The following KLF12 variants were observed in gnomAD, a reference collection of about 807,000 sequenced individuals.
KLF12 encodes the protein KLF transcription factor 12, also known as Krueppel-like factor 12.
KLF12 carries 9 observed loss-of-function variants against 37.8 expected under a neutral mutation model. The ratio of observed to expected loss-of-function variants is 0.24; its 90% confidence interval spans 0.14 to 0.42. The LOEUF (loss-of-function observed/expected upper bound fraction) is 0.42. KLF12 is among the 10% of genes least tolerant of loss of function. KLF12 has a pLI of 1.00. For missense variants in KLF12, 411 were observed against 516.0 expected, an observed-to-expected ratio of 0.80 and a Z score of 1.97; for synonymous variants, 208 against 202.1, an observed-to-expected ratio of 1.03 and a Z score of -0.25.
intron 2 of KLF12, among the ~76,000 whole-genome samples, chr13:73,981,113 T>C (rs1489453453): frequency 6.6e-6 from 1 of 152,102 alleles, no homozygotes; most frequent in Non-Finnish European, 1.5e-5. Context: ...TGAGCTGTGT[T>C]TGTGTCACTG....
chr13:73,813,120 T>C, intron 5 of KLF12, 32 bp downstream of exon 5: 1 of 1,609,760 alleles, frequency 6.2e-7, no homozygotes, highest in Non-Finnish European at 8.5e-7. Context: ...ACCTTGGCAA[T>C]TCTTAATTCA....
intron 3 of KLF12, among the ~76,000 whole-genome samples, chr13:73,855,528 G>C (rs1885562652): frequency 6.6e-6 from 1 of 152,116 alleles, no homozygotes; most frequent in Non-Finnish European, 1.5e-5. Context: ...CCACGTCTTT[G>C]TTATTGTGAA....
the KLF12 span, among the ~76,000 whole-genome samples, chr13:74,170,797 C>A: frequency 2.0e-5 from 3 of 152,214 alleles, no homozygotes; most frequent in African/African-American, 7.2e-5. Context: ...CGGAGTCTCA[C>A]TCTGTCACTC....
intron 6 of KLF12, among the ~76,000 whole-genome samples, chr13:73,717,616 TCAAA>T (rs1875914349): frequency 6.6e-6 from 1 of 152,126 alleles, no homozygotes; most frequent in African/African-American, 2.4e-5. Context: ...TACCTGTGTC[TCAAA>T]CAGTTTTATG....
intron 5 of KLF12, among the ~76,000 whole-genome samples, chr13:73,789,826 G>A (rs56144411): frequency 0.026 from 3,914 of 152,100 alleles, 161 homozygotes; most frequent in African/African-American, 0.087. Context: ...ACAGGCGTCC[G>A]CCACTACGCC....
At chr13:73,886,667 TG>T (rs796091684) in intron 3 of KLF12, among the ~76,000 whole-genome samples, 2 of 152,202 alleles carry the variant, frequency 1.3e-5, no homozygotes, top group African/African-American at 4.8e-5. Context: ...ACAAATCCAT[TG>T]GATACTTCAA....
At chr13:73,792,773 A>G (rs918633953) in intron 5 of KLF12, among the ~76,000 whole-genome samples, 2 of 152,334 alleles carry the variant, frequency 1.3e-5, no homozygotes, top group Admixed American at 1.3e-4. Context: ...AAAAGTAATA[A>G]AAGTTTTTGC....
intron 1 of KLF12, among the ~76,000 whole-genome samples, chr13:74,118,475 T>C (rs767573227): frequency 2.0e-5 from 3 of 152,216 alleles, no homozygotes; most frequent in Non-Finnish European, 2.9e-5. Flanking sequence ...TTATTAGTTA[T>C]GTTGTAAAGG....
chr13:73,728,453 T>C (rs2325553), intron 6 of KLF12, among the ~76,000 whole-genome samples: 118,251 of 152,124 alleles, frequency 0.78, 46,147 homozygotes, highest in Middle Eastern at 0.9. Flanking sequence ...TTTTTCTTAA[T>C]TGCCTCGGCT....
At chr13:74,091,482 C>T (rs2138820033) in intron 1 of KLF12, among the ~76,000 whole-genome samples, 2 of 152,196 alleles carry the variant, frequency 1.3e-5, no homozygotes, top group East Asian at 3.9e-4. Context: ...ATGTAAGTTT[C>T]CTCTATGTCT....
intron 7 of KLF12, among the ~76,000 whole-genome samples, chr13:73,703,597 A>G (rs920652024): frequency 6.6e-6 from 1 of 152,170 alleles, no homozygotes; most frequent in Non-Finnish European, 1.5e-5. Flanking sequence ...ATATTCTCTA[A>G]TAAGTATTGT....
chr13:73,952,154 T>G (rs1890669761), intron 2 of KLF12, among the ~76,000 whole-genome samples: 1 of 152,198 alleles, frequency 6.6e-6, no homozygotes, highest in Admixed American at 6.5e-5. Context: ...ACCAGAAAAG[T>G]TACTTGGAGT....
At chr13:74,146,201 A>C in the KLF12 span, among the ~76,000 whole-genome samples, 1 of 152,190 alleles carries the variant, frequency 6.6e-6, no homozygotes, top group Non-Finnish European at 1.5e-5. Context: ...ACATTAAGCA[A>C]ACATCTTAGC....
At chr13:73,702,972 C>T (rs981898678) in intron 7 of KLF12, among the ~76,000 whole-genome samples, 1 of 152,148 alleles carries the variant, frequency 6.6e-6, no homozygotes, top group African/African-American at 2.4e-5. Flanking sequence ...GCGGCTATAC[C>T]TCTTCATAGT....
chr13:73,979,354 A>ACACAC (rs1891628422), intron 2 of KLF12, among the ~76,000 whole-genome samples: 6 of 139,620 alleles, frequency 4.3e-5, no homozygotes, highest in Admixed American at 1.4e-4. Flanking sequence ...TCTGCTTTTA[A>ACACAC]ACACACACAC....
chr13:73,994,965 C>T, intron 2 of KLF12, 25 bp downstream of exon 2: 2 of 1,488,894 alleles, frequency 1.3e-6, no homozygotes, highest in South Asian at 2.3e-5. Flanking sequence ...ATTTTCAATG[C>T]AATTTTAACA....
At chr13:74,213,244 A>G in the KLF12 span, among the ~76,000 whole-genome samples, 42 of 152,048 alleles carry the variant, frequency 2.8e-4, no homozygotes, top group Non-Finnish European at 2.8e-4. Context: ...TGTTCATGAC[A>G]TTGACTTTTT....
chr13:73,877,898 C>T (rs978939239), intron 3 of KLF12, among the ~76,000 whole-genome samples: 14 of 152,128 alleles, frequency 9.2e-5, no homozygotes, highest in Admixed American at 3.9e-4. Context: ...CCTGTTTTCA[C>T]GCCCAAATGT....
At chr13:73,695,877 G>T (rs1259692347) in intron 7 of KLF12, among the ~76,000 whole-genome samples, 1 of 152,214 alleles carries the variant, frequency 6.6e-6, no homozygotes, top group African/African-American at 2.4e-5. Flanking sequence ...CATCTGGCAA[G>T]CTAGTTAACA....
Sources: gnomAD v4.1 joint callset for allele counts (sites outside exome capture counted in the v4.1 genomes callset) on GRCh38, gnomAD v4.1.1 for gene constraint, MANE v1.5 for transcripts, NCBI Gene and HGNC (gene_info 2026-07-23, HGNC 2026-07-21) for gene names.